Variants in NRXN1 observed in about 807,000 individuals in gnomAD.
The protein encoded by NRXN1 is neurexin-1.
In NRXN1, 39 loss-of-function variants were observed where a neutral mutation model predicts 150.9. The observed-to-expected ratio is 0.26, with a 90% CI of 0.20 to 0.34. The LOEUF is 0.34. Among genes scored for constraint, NRXN1 ranks in the 10% least tolerant of loss-of-function variants. NRXN1 has a pLI of 1.00. For synonymous variants in NRXN1, 924 were observed against 757.0 expected, an observed-to-expected ratio of 1.22 and a Z score of -3.62; for missense variants, 1,815 against 1,949.9, an observed-to-expected ratio of 0.93 and a Z score of 1.30.
intron 17 of NRXN1, among the ~76,000 whole-genome samples, chr2:50,366,686 C>T (rs1013478924): frequency 3.2e-4 from 48 of 151,906 alleles, no homozygotes; most frequent in African/African-American, 2.4e-5. Context: ...CTGTCTCCCC[C>T]ACCCCACTAT....
intron 15 of NRXN1, among the ~76,000 whole-genome samples, chr2:50,485,848 T>C (rs2090832019): frequency 1.3e-5 from 2 of 152,160 alleles, no homozygotes; most frequent in Admixed American, 1.3e-4. Flanking sequence ...CCAACATCAG[T>C]TGATGTGCCT....
chr2:50,529,932 T>C (rs1352394571), intron 11 of NRXN1, among the ~76,000 whole-genome samples: 1 of 152,198 alleles, frequency 6.6e-6, no homozygotes, highest in African/African-American at 2.4e-5. Context: ...TGCAATAAGA[T>C]ACCAATGGGA....
intron 17 of NRXN1, among the ~76,000 whole-genome samples, chr2:50,353,386 T>C (rs1468593150): frequency 2.0e-5 from 3 of 152,118 alleles, no homozygotes; most frequent in Admixed American, 1.3e-4. Flanking sequence ...CCGATTTCTG[T>C]TGGTGACAAA....
chr2:50,134,319 C>T (rs1164208294), intron 18 of NRXN1, among the ~76,000 whole-genome samples: 1 of 150,718 alleles, frequency 6.6e-6, no homozygotes, highest in Non-Finnish European at 1.5e-5. Context: ...CAGGTTTTCC[C>T]TCACCATATT....
At chr2:50,681,878 A>G (rs1690458912) in intron 5 of NRXN1, among the ~76,000 whole-genome samples, 1 of 151,858 alleles carries the variant, frequency 6.6e-6, no homozygotes, top group Admixed American at 6.6e-5. Context: ...AGTAATTAAA[A>G]TTGTGTTCTG....
intron 17 of NRXN1, among the ~76,000 whole-genome samples, chr2:50,260,897 A>G (rs935822190): frequency 1.3e-5 from 2 of 151,702 alleles, no homozygotes; most frequent in Non-Finnish European, 3.0e-5. Context: ...CGGCTCCTCC[A>G]AAGTACAGAT....
At chr2:50,865,178 C>G (rs1379353845) in intron 5 of NRXN1, among the ~76,000 whole-genome samples, 1 of 151,734 alleles carries the variant, frequency 6.6e-6, no homozygotes, top group Non-Finnish European at 1.5e-5. Flanking sequence ...GGTGAAACGA[C>G]AGAAGACAGC....
chr2:50,355,702 T>C (rs1029159497), intron 17 of NRXN1, among the ~76,000 whole-genome samples: 1 of 152,204 alleles, frequency 6.6e-6, no homozygotes, highest in African/African-American at 2.4e-5. Flanking sequence ...TTCTGAACTC[T>C]GTCATTTTTT....
intron 17 of NRXN1, among the ~76,000 whole-genome samples, chr2:50,289,368 G>A (rs2072610565): frequency 1.3e-5 from 2 of 151,956 alleles, no homozygotes; most frequent in African/African-American, 4.8e-5. Flanking sequence ...CCCCCATAAT[G>A]GTGAAGTTCC....
intron 8 of NRXN1, among the ~76,000 whole-genome samples, chr2:50,558,514 G>T (rs564879844): frequency 6.6e-6 from 1 of 152,236 alleles, no homozygotes; most frequent in East Asian, 1.9e-4. Context: ...TGAATCAAAT[G>T]TCACAAGTAA....
intron 18 of NRXN1, among the ~76,000 whole-genome samples, chr2:50,201,864 G>C (rs1170167891): frequency 6.6e-6 from 1 of 152,160 alleles, no homozygotes; most frequent in East Asian, 1.9e-4. Flanking sequence ...TACAGAGCTA[G>C]CATCACATTG....
At chr2:50,942,681 A>G (rs148334454) in intron 2 of NRXN1, among the ~76,000 whole-genome samples, 14 of 152,278 alleles carry the variant, frequency 9.2e-5, no homozygotes, top group African/African-American at 3.1e-4. Context: ...TTGGAAAGGG[A>G]ACATTTACCC....
At position 50,313,322 on chromosome 2, in the gene NRXN1, T is replaced by G. The variant is rs549988058; in HGVS notation, c.3365-76352A>C. Among the ~76,000 whole-genome samples the G allele has an allele frequency of 2.0e-5, 3 of 152,256 alleles. No homozygotes were observed. In the South Asian group the frequency reaches 6.2e-4, roughly 32 times the overall value. On this transcript the variant is annotated intron_variant, in intron 17 of 22. Coordinates refer to ENST00000401669, the MANE Select transcript of NRXN1 (RefSeq NM_001330078.2). Reference sequence around the variant, plus strand: ...ATACTATTATGATTTGATTCTTCACTGACACTAATATTGCTCCTCTGAGTG... The same window carrying G: ...ATACTATTATGATTTGATTCTTCACGGACACTAATATTGCTCCTCTGAGTG...
intron 18 of NRXN1, among the ~76,000 whole-genome samples, chr2:50,113,384 T>C (rs1452817653): frequency 6.6e-6 from 1 of 152,204 alleles, no homozygotes; most frequent in Non-Finnish European, 1.5e-5. Context: ...TCTGGCTACC[T>C]TGCAATTCCT....
intron 12 of NRXN1, among the ~76,000 whole-genome samples, chr2:50,516,307 C>T (rs577964853): frequency 1.3e-5 from 2 of 152,296 alleles, no homozygotes; most frequent in South Asian, 4.1e-4. Flanking sequence ...ACAAGCTCAG[C>T]ATATGGCACG....
intron 5 of NRXN1, among the ~76,000 whole-genome samples, chr2:50,699,895 C>A (rs1277631260): frequency 6.6e-6 from 1 of 152,108 alleles, no homozygotes; most frequent in Non-Finnish European, 1.5e-5. Flanking sequence ...TGTTCAATTC[C>A]AATAGCCCTT....
intron 18 of NRXN1, among the ~76,000 whole-genome samples, chr2:50,182,321 T>A (rs867738645): frequency 6.6e-6 from 1 of 152,028 alleles, no homozygotes; most frequent in Admixed American, 6.6e-5. Context: ...ATCTTCTAGA[T>A]CAAAAAATGT....
chr2:50,925,951 G>C lies in NRXN1; in HGVS notation c.777C>G (p.Asp259Glu). 6.4e-7 allele frequency: 1 copy of C among 1,574,552 alleles called. No homozygotes were observed. The highest frequency in any genetic ancestry group is 8.6e-7 in the Non-Finnish European group (1 of 1,158,518). Reference sequence around the variant, plus strand: ...GAAAGCACCCACCTTCCACATTGTTGTCTTCTGAAAGCACATGACAAGGAG... The same window carrying C: ...GAAAGCACCCACCTTCCACATTGTTCTCTTCTGAAAGCACATGACAAGGAG... ...GFRGKDCSQEDNNVEGLAHLM... is the reference protein window; with the variant it reads ...GFRGKDCSQEENNVEGLAHLM... The change falls in exon 3 of 23, where the codon GAC becomes GAG. Residue 259 changes from aspartate (D) to glutamate (E), a missense_variant. Asp to Glu is a conservative substitution (Grantham distance 45). Around this residue, in one of 6 missense-constraint regions of NRXN1, gnomAD observed 554 missense variants for 478.8 expected, o/e 1.16. Transcript: ENST00000401669.
chr2:50,368,672 T>C (rs916827982), intron 17 of NRXN1, among the ~76,000 whole-genome samples: 3 of 151,932 alleles, frequency 2.0e-5, no homozygotes, highest in Non-Finnish European at 2.9e-5. Flanking sequence ...GGAGATAGAA[T>C]AGACATGCTC....
Sources: gnomAD v4.1 joint callset for allele counts (sites outside exome capture counted in the v4.1 genomes callset) on GRCh38, gnomAD v4.1.1 for gene constraint, gnomAD v4.1.1 regional missense constraint, MANE v1.5 for transcripts, NCBI Gene and HGNC (gene_info 2026-07-23, HGNC 2026-07-21) for gene names.